DCC: variants seen among roughly 807,000 people sequenced by gnomAD.
The protein encoded by DCC is netrin receptor DCC.
DCC carries 58 observed loss-of-function variants against 172.5 expected under a neutral mutation model. That is an observed-to-expected ratio of 0.34 (90% confidence interval 0.27 to 0.42). The LOEUF is 0.42. Among genes scored for constraint, DCC ranks in the 10% least tolerant of loss-of-function variants. DCC has a pLI of 1.00. For missense variants in DCC, 1,740 were observed against 1,791.0 expected, an observed-to-expected ratio of 0.97 and a Z score of 0.51; for synonymous variants, 709 against 644.5, an observed-to-expected ratio of 1.10 and a Z score of -1.52.
At chr18:52,467,206 C>A (rs910769080) in intron 1 of DCC, among the ~76,000 whole-genome samples, 3 of 151,990 alleles carry the variant, frequency 2.0e-5, no homozygotes, top group Admixed American at 2.0e-4. Flanking sequence ...AGTCCCCCAC[C>A]CCCCGACAGG....
chr18:53,109,734 A>AT (rs1259576665), intron 7 of DCC, among the ~76,000 whole-genome samples: 1 of 151,640 alleles, frequency 6.6e-6, no homozygotes, highest in Admixed American at 6.6e-5. Flanking sequence ...AACACTGCTG[A>AT]TATCTAGTAA....
Position 53,439,050 on chromosome 18 carries a change from T to C in DCC, c.3229+3841T>C, listed in dbSNP as rs113568450. ...TCTGAAATATTTCTAGATTCCCTACTGGAATAACAAATTATTTCAGGCTGT... is the reference window on the plus strand; with the variant it reads ...TCTGAAATATTTCTAGATTCCCTACCGGAATAACAAATTATTTCAGGCTGT... On this transcript the variant is annotated intron_variant, in intron 22 of 28. Coordinates refer to ENST00000442544, the MANE Select transcript of DCC (RefSeq NM_005215.4). Among the ~76,000 whole-genome samples the C allele has an allele frequency of 2.6e-3, 396 of 152,338 alleles. 2 individuals are homozygous for C. The highest frequency in any genetic ancestry group is 4.1e-3 in the Non-Finnish European group (278 of 68,036).
At chr18:52,856,455 C>T (rs2039054268) in intron 2 of DCC, among the ~76,000 whole-genome samples, 1 of 151,592 alleles carries the variant, frequency 6.6e-6, no homozygotes, top group African/African-American at 2.4e-5. Flanking sequence ...GAAACACCGT[C>T]TCTACTAAAA....
In DCC at chr18:53,066,347, ATG is replaced by A. The variant is rs1325606848; in HGVS notation, c.1261+187_1261+188del. On this transcript the variant is annotated intron_variant, in intron 7 of 28. Coordinates refer to ENST00000442544, the MANE Select transcript of DCC (RefSeq NM_005215.4). ...TCCCTCTAGAAAATTGTGTGTGTAC[ATG>A]TGTGTATATATATATATATATATAT... Among the ~76,000 whole-genome samples, 12 of 87,322 alleles carry A rather than the reference ATG, an allele frequency of 1.4e-4. No individual in the cohort carries two copies. The South Asian group carries it at 1.6e-3, about 11-fold the overall frequency. The allele number at this position is 87,322 out of a possible 152,430, so 57.3% of individuals were successfully genotyped here.
chr18:52,451,406 AG>A (rs1254322602), intron 1 of DCC, among the ~76,000 whole-genome samples: 1 of 152,190 alleles, frequency 6.6e-6, no homozygotes, highest in Non-Finnish European at 1.5e-5. Context: ...GGATTCAAAA[AG>A]CATCATTTCT....
In DCC at chr18:52,398,824, T is replaced by G. The variant is rs140635377; in HGVS notation, c.91+57946T>G. Among the ~76,000 whole-genome samples the G allele has an allele frequency of 8.5e-5, 13 of 152,072 alleles. No individual in the cohort carries two copies. The East Asian group carries it at 2.5e-3, about 30-fold the overall frequency. On this transcript the variant is annotated intron_variant, in intron 1 of 28. Coordinates refer to ENST00000442544, the MANE Select transcript of DCC (RefSeq NM_005215.4). ...GGAGTGCCCATTTATTTTCTTCATA[T>G]GTACATAAGGGATGTCCTTTTCTAA...
intron 1 of DCC, among the ~76,000 whole-genome samples, chr18:52,381,752 TC>T (rs1369450344): frequency 1.3e-5 from 2 of 152,228 alleles, no homozygotes; most frequent in African/African-American, 2.4e-5. Flanking sequence ...TGTTTCTTGT[TC>T]CTCTTCTCTT....
chr18:52,926,681 A>C (rs1426706928), intron 5 of DCC, among the ~76,000 whole-genome samples: 10 of 151,364 alleles, frequency 6.6e-5, no homozygotes. Context: ...GTCAAATTTT[A>C]TTTCAAATTA....
intron 1 of DCC, among the ~76,000 whole-genome samples, chr18:52,473,638 T>C (rs184371742): frequency 6.7e-4 from 102 of 152,194 alleles, no homozygotes; most frequent in Non-Finnish European, 3.8e-4. Context: ...AACCATCAGC[T>C]CTCGTGAGAA....
At chr18:53,264,302 C>T (rs2056642013) in intron 12 of DCC, among the ~76,000 whole-genome samples, 1 of 151,910 alleles carries the variant, frequency 6.6e-6, no homozygotes, top group African/African-American at 2.4e-5. Flanking sequence ...GCCTGGCTAA[C>T]ATCGTAAAAC....
intron 14 of DCC, among the ~76,000 whole-genome samples, chr18:53,325,379 C>A (rs1316990145): frequency 6.6e-6 from 1 of 152,120 alleles, no homozygotes; most frequent in South Asian, 2.1e-4. Context: ...ATATCTCTTA[C>A]TGGAAGGAGA....
intron 5 of DCC, among the ~76,000 whole-genome samples, chr18:52,989,982 G>A (rs916495504): frequency 4.6e-5 from 7 of 152,080 alleles, no homozygotes; most frequent in Admixed American, 2.6e-4. Flanking sequence ...ATACTGCCTC[G>A]ATTTTGGTTA....
chr18:52,966,478 C>T (rs904548218), intron 5 of DCC, among the ~76,000 whole-genome samples: 4 of 152,134 alleles, frequency 2.6e-5, no homozygotes, highest in Non-Finnish European at 5.9e-5. Flanking sequence ...CAGTATCCCC[C>T]AGGAGACTGA....
chr18:52,820,388 A>G (rs1471242921), intron 2 of DCC, among the ~76,000 whole-genome samples: 2 of 152,232 alleles, frequency 1.3e-5, no homozygotes, highest in Non-Finnish European at 2.9e-5. Flanking sequence ...CTAACAATAC[A>G]TTTTTAGAAA....
At position 52,699,486 on chromosome 18, in the gene DCC, G is replaced by A. The variant is rs192493635; in HGVS notation, c.92-52568G>A. Among the ~76,000 whole-genome samples, 7 of 152,296 alleles carry A rather than the reference G, an allele frequency of 4.6e-5. No homozygotes were observed. In the East Asian group the frequency reaches 1.4e-3, roughly 29 times the overall value. On this transcript the variant is annotated intron_variant, in intron 1 of 28. Transcript: ENST00000442544. The stretch of plus-strand genomic sequence containing the variant: ...CATAATTACATAAATGACATTAGCA[G>A]GAAGAATGTTAAAATCATTACTCAT...
intron 1 of DCC, among the ~76,000 whole-genome samples, chr18:52,629,151 C>T (rs2034628908): frequency 6.6e-6 from 1 of 152,200 alleles, no homozygotes; most frequent in South Asian, 2.1e-4. Context: ...TTTCAAGAAT[C>T]TCACGGAAGA....
intron 13 of DCC, among the ~76,000 whole-genome samples, chr18:53,312,763 T>G (rs1268073440): frequency 3.0e-5 from 4 of 134,292 alleles, no homozygotes; most frequent in Admixed American, 2.5e-4. Context: ...GAGCCGAGAT[T>G]GTGCCACTGC....
At chr18:53,094,016 G>A (rs948541186) in intron 7 of DCC, among the ~76,000 whole-genome samples, 8 of 152,012 alleles carry the variant, frequency 5.3e-5, no homozygotes, top group Admixed American at 1.3e-4. Context: ...AAAAAAAGTC[G>A]TCACCCACAG....
chr18:52,496,276 G>A (rs1015316767), intron 1 of DCC, among the ~76,000 whole-genome samples: 1 of 152,024 alleles, frequency 6.6e-6, no homozygotes, highest in Admixed American at 6.6e-5. Flanking sequence ...TTGTGCTGCA[G>A]TTAGCAATCA....
Sources: gnomAD v4.1 joint callset for allele counts (sites outside exome capture counted in the v4.1 genomes callset) on GRCh38, gnomAD v4.1.1 for gene constraint, MANE v1.5 for transcripts, NCBI Gene and HGNC (gene_info 2026-07-23, HGNC 2026-07-21) for gene names.